FAM3C: variants seen among roughly 807,000 people sequenced by gnomAD.
The protein encoded by FAM3C is protein FAM3C.
FAM3C carries 15 observed loss-of-function variants against 32.5 expected under a neutral mutation model. That is an observed-to-expected ratio of 0.46 (90% CI 0.31 to 0.71). FAM3C has a LOEUF of 0.71. Among genes scored for constraint, FAM3C ranks in the 30% least tolerant of loss-of-function variants. The probability of loss-of-function intolerance (pLI) is 0.05; values close to 1 mark genes in which losing one functional copy is unlikely to be tolerated. For synonymous variants in FAM3C, 75 were observed against 86.1 expected, an observed-to-expected ratio of 0.87 and a Z score of 0.72; for missense variants, 175 against 274.4, an observed-to-expected ratio of 0.64 and a Z score of 2.56.
chr7:121,388,860 A>AT (rs1794519359), intron 1 of FAM3C, among the ~76,000 whole-genome samples: 1 of 152,270 alleles, frequency 6.6e-6, no homozygotes, highest in East Asian at 1.9e-4. Context: ...CCAATGCCAG[A>AT]TATGAAGCAA....
chr7:121,380,340 C>G (rs138592041), intron 2 of FAM3C: 2 of 152,048 alleles, frequency 1.3e-5, no homozygotes, highest in Non-Finnish European at 2.9e-5. Flanking sequence ...CACAAACATT[C>G]TAAATTCTAT....
At position 121,349,625 on chromosome 7, in the gene FAM3C, A is replaced by T. The variant is rs1803389; in HGVS notation, c.*836T>A. 0.12 allele frequency: 18,557 copies of T among 152,214 alleles called. 990 individuals are homozygous for T. Among genetic ancestry groups the T allele is most frequent in the Non-Finnish European group, 0.18 (12,071 of 67,858 alleles). The allele number at this position is 152,214 out of a possible 1,614,324, so 9.4% of individuals were successfully genotyped here. ...TCCAAACCACTTGGTCAATGCTGAT[A>T]ACAATTAAGAAAAACGTATGCTAGT... On this transcript the variant is annotated 3_prime_UTR_variant, in exon 10 of 10. Transcript: ENST00000359943.
chr7:121,382,906 A>C (rs750383483), intron 2 of FAM3C, 51 bp downstream of exon 2: 1 of 1,392,220 alleles, frequency 7.2e-7, no homozygotes, highest in Admixed American at 1.8e-5. Context: ...ATTCTTTAAC[A>C]AACAGGTTAC....
intron 2 of FAM3C, among the ~76,000 whole-genome samples, chr7:121,381,838 T>C (rs1794364048): frequency 6.6e-6 from 1 of 152,208 alleles, no homozygotes; most frequent in African/African-American, 2.4e-5. Context: ...TTTTCAAGTT[T>C]CTACAAAAGC....
chr7:121,381,860 C>T (rs1213818013), intron 2 of FAM3C, among the ~76,000 whole-genome samples: 1 of 152,092 alleles, frequency 6.6e-6, no homozygotes, highest in African/African-American at 2.4e-5. Context: ...TTTGTAACAG[C>T]CCTCAGTTAT....
chr7:121,377,890 T>C (rs1160358082), intron 3 of FAM3C, among the ~76,000 whole-genome samples: 1 of 152,226 alleles, frequency 6.6e-6, no homozygotes, highest in East Asian at 1.9e-4. Flanking sequence ...GTAAGTACAC[T>C]CTATGATGTT....
intron 9 of FAM3C, 82 bp downstream of exon 9, chr7:121,351,053 ATCTAATTT>A (rs2116860202): frequency 3.4e-6 from 4 of 1,173,494 alleles, no homozygotes; most frequent in Non-Finnish European, 4.9e-6. Flanking sequence ...TATCCGCTTT[ATCTAATTT>A]TCAAATAGCT....
intron 1 of FAM3C, among the ~76,000 whole-genome samples, chr7:121,384,159 G>A (rs1794417237): frequency 1.3e-5 from 2 of 152,044 alleles, no homozygotes; most frequent in Admixed American, 6.6e-5. Flanking sequence ...TCTTTCTTCT[G>A]CACAACATAC....
chr7:121,386,101 A>G (rs990296344), intron 1 of FAM3C, among the ~76,000 whole-genome samples: 7 of 152,210 alleles, frequency 4.6e-5, no homozygotes, highest in Non-Finnish European at 8.8e-5. Flanking sequence ...TACCCACTCC[A>G]GCAATTCAAC....
At chr7:121,356,637 A>G (rs942036906) in intron 8 of FAM3C, among the ~76,000 whole-genome samples, 1 of 152,200 alleles carries the variant, frequency 6.6e-6, no homozygotes, top group African/African-American at 2.4e-5. Context: ...TTCATAGAGA[A>G]CAAGAGAATC....
At chr7:121,384,296 C>A (rs1794421561) in intron 1 of FAM3C, among the ~76,000 whole-genome samples, 1 of 152,084 alleles carries the variant, frequency 6.6e-6, no homozygotes, top group Non-Finnish European at 1.5e-5. Flanking sequence ...TAGCCACAGG[C>A]TAGGAAAATA....
At chr7:121,389,754 GA>G (rs1794539572) in intron 1 of FAM3C, among the ~76,000 whole-genome samples, 1 of 148,896 alleles carries the variant, frequency 6.7e-6, no homozygotes, top group Admixed American at 6.6e-5. Flanking sequence ...TCTCTAACAG[GA>G]AAGTGGCAAA....
At chr7:121,392,447 G>A (rs1794596073) in intron 1 of FAM3C, among the ~76,000 whole-genome samples, 1 of 152,122 alleles carries the variant, frequency 6.6e-6, no homozygotes, top group South Asian at 2.1e-4. Flanking sequence ...AGAACTCACT[G>A]TCACGAGAAC....
chr7:121,369,363 A>G (rs1584697521), intron 5 of FAM3C, among the ~76,000 whole-genome samples: 1 of 152,278 alleles, frequency 6.6e-6, no homozygotes. Context: ...AGGAGGGATT[A>G]TGCTCAAAAA....
At chr7:121,378,686 C>T (rs1323639588) in intron 3 of FAM3C, among the ~76,000 whole-genome samples, 1 of 148,704 alleles carries the variant, frequency 6.7e-6, no homozygotes, top group Non-Finnish European at 1.5e-5. Flanking sequence ...ATAAAATAGA[C>T]TCATTACATA....
chr7:121,379,481 T>C (rs1427264051), intron 2 of FAM3C, among the ~76,000 whole-genome samples: 1 of 152,128 alleles, frequency 6.6e-6, no homozygotes, highest in Non-Finnish European at 1.5e-5. Context: ...ACAGATTTAT[T>C]GTCCTATCAC....
At chr7:121,383,179 A>T (rs931382251) in intron 1 of FAM3C, among the ~76,000 whole-genome samples, 169 bp from the exon 2 acceptor site, 1 of 151,948 alleles carries the variant, frequency 6.6e-6, no homozygotes, top group Non-Finnish European at 1.5e-5. Flanking sequence ...CCACTGGACC[A>T]TAAGACCTCA....
chr7:121,359,304 C>T (rs955049309), intron 8 of FAM3C, among the ~76,000 whole-genome samples: 2 of 151,860 alleles, frequency 1.3e-5, no homozygotes, highest in African/African-American at 2.4e-5. Flanking sequence ...CAATAGGCAA[C>T]CCATTAAACA....
At chr7:121,393,941 T>C (rs564228639) in intron 1 of FAM3C, among the ~76,000 whole-genome samples, 57 of 152,334 alleles carry the variant, frequency 3.7e-4, no homozygotes, top group Admixed American at 1.0e-3. Context: ...TTTGCTATTA[T>C]ACCAAGGTCG....
Sources: allele counts gnomAD v4.1 joint callset (sites outside exome capture counted in the v4.1 genomes callset), GRCh38; gene constraint gnomAD v4.1.1; transcripts MANE v1.5; gene names NCBI Gene and HGNC (gene_info 2026-07-23, HGNC 2026-07-21).